GET4: variants seen among roughly 807,000 people sequenced by gnomAD.
GET4 encodes the protein guided entry of tail-anchored proteins factor 4.
GET4 carries 20 observed loss-of-function variants against 40.0 expected under a neutral mutation model. That is an observed-to-expected ratio of 0.50 (90% confidence interval 0.35 to 0.73). GET4 has a LOEUF of 0.73. Among genes scored for constraint, GET4 ranks in the 30% least tolerant of loss-of-function variants. GET4 has a pLI of 0.01. For missense variants in GET4, 557 were observed against 454.0 expected (o/e 1.23, Z -2.06); for synonymous variants, 280 against 194.6 (o/e 1.44, Z -3.65).
intron 1 of GET4, chr7:885,825 T>C: frequency 5.6e-6 from 3 of 539,658 alleles, no homozygotes; most frequent in Non-Finnish European, 9.9e-6. Flanking sequence ...TCCTGGTGTA[T>C]TTGGACACAG....
intron 2 of GET4, 174 bp downstream of exon 2, chr7:886,308 C>T (rs963740264): frequency 3.1e-5 from 19 of 616,064 alleles, no homozygotes; most frequent in Non-Finnish European, 4.9e-5. Context: ...GCTCCACTCT[C>T]AAGACTGGGG....
chr7:884,973 G>C (rs1844158622), intron 1 of GET4: 1 of 152,582 alleles, frequency 6.6e-6, no homozygotes, highest in African/African-American at 2.4e-5. Context: ...GTAGAGACAG[G>C]GTCTCACTAT....
At chr7:891,662 A>G (rs1165528594) in intron 5 of GET4, among the ~76,000 whole-genome samples, 1 of 152,222 alleles carries the variant, frequency 6.6e-6, no homozygotes, top group African/African-American at 2.4e-5. Context: ...CAGAACAAAT[A>G]TGGATTTCAA....
At chr7:892,511 T>C in intron 6 of GET4, 93 bp downstream of exon 6, 2 of 1,386,562 alleles carry the variant, frequency 1.4e-6, no homozygotes, top group Non-Finnish European at 2.0e-6. Context: ...TGTGTGCAAG[T>C]GTAGCCATGG....
intron 5 of GET4, among the ~76,000 whole-genome samples, chr7:891,684 G>A (rs1412948955): frequency 1.3e-5 from 2 of 152,272 alleles, no homozygotes; most frequent in African/African-American, 4.8e-5. Flanking sequence ...GCGGGCGTTG[G>A]GGATTTGATG....
At chr7:884,891 C>G (rs1293336190) in intron 1 of GET4, 1 of 153,224 alleles carries the variant, frequency 6.5e-6, no homozygotes, top group Non-Finnish European at 1.5e-5. Flanking sequence ...AAGCAGTCCT[C>G]CCACCTCAGC....
At chr7:884,010 G>A in intron 1 of GET4, 1 of 1,138,074 alleles carries the variant, frequency 8.8e-7, no homozygotes, top group Non-Finnish European at 1.1e-6. Flanking sequence ...AACCAGGCCG[G>A]GGGCCGTGAC....
intron 1 of GET4, chr7:881,427 G>C (rs1305381308): frequency 8.6e-5 from 13 of 151,970 alleles, no homozygotes; most frequent in African/African-American, 3.1e-4. Flanking sequence ...TACGTATGTG[G>C]AATCACAGTG....
chr7:892,218 C>A, intron 5 of GET4, 60 bp from the exon 6 acceptor site: 1 of 1,557,554 alleles, frequency 6.4e-7, no homozygotes, highest in Non-Finnish European at 8.8e-7. Context: ...AGGCCGGCGC[C>A]TGTGCGGGCA....
intron 1 of GET4, chr7:878,121 C>T: frequency 5.4e-6 from 2 of 369,578 alleles, no homozygotes; most frequent in African/African-American, 2.1e-5. Flanking sequence ...CGCCTCTGGA[C>T]CTAGGCTCGG....
Position 891,690 on chromosome 7 carries a change from T to A in GET4, c.606-588T>A, listed in dbSNP as rs542401290. ...GATTTCAAGGCGGGCGTTGGGGATTTGATGTAGGATTTGGGGACAGACATC... is the reference window on the plus strand; with the variant it reads ...GATTTCAAGGCGGGCGTTGGGGATTAGATGTAGGATTTGGGGACAGACATC... On this transcript the variant is annotated intron_variant, in intron 5 of 8. Coordinates refer to ENST00000265857, the MANE Select transcript of GET4 (RefSeq NM_015949.3). 6.6e-5 allele frequency among the ~76,000 whole-genome samples: 10 copies of A among 152,368 alleles called. No individual in the cohort carries two copies. In the South Asian group the frequency reaches 8.3e-4, roughly 13 times the overall value.
chr7:883,861 CA>C, intron 1 of GET4: 6 of 1,021,050 alleles, frequency 5.9e-6, no homozygotes, highest in Non-Finnish European at 7.1e-6. Flanking sequence ...CTGTCACCGG[CA>C]TTCCTGGACC....
At chr7:890,832 A>G (rs1844303519) in intron 4 of GET4, 96 bp from the exon 5 acceptor site, 4 of 995,456 alleles carry the variant, frequency 4.0e-6, no homozygotes, top group Non-Finnish European at 6.3e-6. Context: ...CAGGGCGGGC[A>G]GGTGGGCTAG....
At chr7:892,589 T>TGC in intron 6 of GET4, 171 bp downstream of exon 6, 1 of 615,446 alleles carries the variant, frequency 1.6e-6, no homozygotes, top group Non-Finnish European at 2.8e-6. Context: ...TAGGTGTGTG[T>TGC]GCAGGTCTGT....
chr7:888,916 CAG>C lies in GET4; in HGVS notation c.466+1398_466+1399del, dbSNP rs926581336. ...GCTGTCGTCTGTCTTTCGGATGAGT[CAG>C]GAACAAATGCGTCAACACTGGGTGG... On this transcript the variant is annotated intron_variant, in intron 4 of 8. Transcript: ENST00000265857. 8.5e-5 allele frequency among the ~76,000 whole-genome samples: 13 copies of C among 152,268 alleles called. 1 individual carries two copies. Among genetic ancestry groups the C allele is most frequent in the Admixed American group, 7.8e-4 (12 of 15,292 alleles).
At chr7:893,666 G>T in intron 6 of GET4, 74 bp from the exon 7 acceptor site, 2 of 961,416 alleles carry the variant, frequency 2.1e-6, no homozygotes, top group Non-Finnish European at 1.6e-6. Flanking sequence ...GTTGGGCGCA[G>T]GCGCGGTGGT....
Position 883,930 on chromosome 7 carries a change from C to T in GET4, c.156-2126C>T, listed in dbSNP as rs75474371. On this transcript the variant is annotated intron_variant, in intron 1 of 8. Coordinates refer to ENST00000265857, the MANE Select transcript of GET4 (RefSeq NM_015949.3). ...CACTGTGTGCCCAGAATTCTCCTCCCGTCCTTTTTCCCCTTGCCCGGCTCC... is the reference window on the plus strand; with the variant it reads ...CACTGTGTGCCCAGAATTCTCCTCCTGTCCTTTTTCCCCTTGCCCGGCTCC... 4.3e-3 allele frequency: 4,577 copies of T among 1,065,442 alleles called. 155 individuals are homozygous for T. In the African/African-American group the frequency reaches 0.071, roughly 17 times the overall value. 66.0% of individuals were successfully genotyped at this position (1,065,442 alleles called of 1,614,324 possible).
rs1844170285 is a variant in GET4 at position 885,534 on chromosome 7, CCCTT to C, written c.156-519_156-516del. 1.9e-5 allele frequency: 3 copies of C among 156,382 alleles called. No individual in the cohort carries two copies. The South Asian group carries it at 5.6e-4, about 29-fold the overall frequency. 9.7% of individuals were successfully genotyped at this position (156,382 alleles called of 1,614,324 possible). Reference sequence around the variant, plus strand: ...GCATGATGCAACGGGGCACCCCAGACCCTTCCCTCCCGTGGGGGGAGGGGTGTGG... The same window carrying C: ...GCATGATGCAACGGGGCACCCCAGACCCCTCCCGTGGGGGGAGGGGTGTGG... On this transcript the variant is annotated intron_variant, in intron 1 of 8. Transcript: ENST00000265857.
Position 893,917 on chromosome 7 carries a change from C to T in GET4, c.841C>T (p.Gln281Ter). Residue 281 changes from glutamine (Q) to a stop codon, truncating the protein, a stop_gained, in exon 8 of 9, where the codon CAG (glutamine) becomes TAG (stop). Transcript: ENST00000265857. LOFTEE classifies it high-confidence loss of function. ...MYNEYLDRIG[Q>*]LFFGVPPKQT... ...CTTGCAGTACCTCGACCGCATAGGACAGCTGTTCTTCGGCGTCCCGCCCAA... is the reference window on the plus strand; with the variant it reads ...CTTGCAGTACCTCGACCGCATAGGATAGCTGTTCTTCGGCGTCCCGCCCAA... 1 of 1,610,078 alleles carries T rather than the reference C, an allele frequency of 6.2e-7. No homozygotes were observed. Among genetic ancestry groups the T allele is most frequent in the East Asian group, 2.2e-5 (1 of 44,780 alleles).
Sources: allele counts gnomAD v4.1 joint callset (sites outside exome capture counted in the v4.1 genomes callset), GRCh38; gene constraint gnomAD v4.1.1; transcripts MANE v1.5; gene names NCBI Gene and HGNC (gene_info 2026-07-23, HGNC 2026-07-21).